PLXDC2: variants seen among roughly 807,000 people sequenced by gnomAD.
PLXDC2 encodes the protein plexin domain containing 2.
In PLXDC2, 40 loss-of-function variants were observed where a neutral mutation model predicts 68.9. That is an observed-to-expected ratio of 0.58 (90% CI 0.45 to 0.76). The LOEUF is 0.76. PLXDC2 is among the 30% of genes least tolerant of loss of function. The pLI, the probability that PLXDC2 is intolerant of heterozygous loss-of-function variation, is 0.00. For missense variants in PLXDC2, 644 were observed against 661.9 expected, an observed-to-expected ratio of 0.97 and a Z score of 0.30; for synonymous variants, 243 against 234.2, an observed-to-expected ratio of 1.04 and a Z score of -0.34.
At chr10:20,137,426 C>A (rs542725502) in intron 4 of PLXDC2, among the ~76,000 whole-genome samples, 1 of 152,206 alleles carries the variant, frequency 6.6e-6, no homozygotes, top group Non-Finnish European at 1.5e-5. Flanking sequence ...ATTATCGCAT[C>A]GTGTGTGATT....
chr10:19,854,937 G>A (rs939082335), intron 1 of PLXDC2, among the ~76,000 whole-genome samples: 1 of 152,202 alleles, frequency 6.6e-6, no homozygotes, highest in African/African-American at 2.4e-5. Flanking sequence ...AATCAGCTCA[G>A]CATTCATTTA....
intron 12 of PLXDC2, among the ~76,000 whole-genome samples, chr10:20,228,635 A>G (rs34343476): frequency 1.3e-5 from 2 of 149,074 alleles, no homozygotes; most frequent in East Asian, 4.0e-4. Flanking sequence ...GGAAGGGCGG[A>G]AGGGAGGGAG....
intron 1 of PLXDC2, among the ~76,000 whole-genome samples, chr10:19,897,415 T>A (rs528256071): frequency 6.6e-6 from 1 of 152,012 alleles, no homozygotes; most frequent in Non-Finnish European, 1.5e-5. Context: ...AGTTTTGTAT[T>A]GTTTTTTTTA....
Position 20,046,943 on chromosome 10 carries a change from G to A in PLXDC2, c.399G>A (p.Val133=). The A allele has an allele frequency of 6.2e-7, 1 of 1,612,582 alleles. No homozygotes were observed. The highest frequency in any genetic ancestry group is 8.5e-7 in the Non-Finnish European group (1 of 1,179,256). The change falls in exon 3 of 14, where the codon GTG becomes GTA. Residue 133 remains valine, a synonymous_variant. Coordinates refer to ENST00000377252, the MANE Select transcript of PLXDC2 (RefSeq NM_032812.9). The part of the protein sequence containing the change: ...PSDSASRDLW[V]NIDQMEKDKV... ...ATTCTGCCAGCCGGGATTTATGGGT[G>A]AACATAGACCAAATGGAAAAAGATA...
intron 1 of PLXDC2, among the ~76,000 whole-genome samples, chr10:19,904,796 T>C (rs58259085): frequency 0.12 from 18,490 of 152,212 alleles, 1,552 homozygotes; most frequent in East Asian, 0.29. Context: ...TGTTAGGGTT[T>C]CTTAGCATAA....
intron 3 of PLXDC2, among the ~76,000 whole-genome samples, chr10:20,054,094 G>A (rs1184655883): frequency 6.6e-6 from 1 of 152,090 alleles, no homozygotes. Flanking sequence ...AGTTCTGAAT[G>A]TAGCATGAGC....
intron 13 of PLXDC2, among the ~76,000 whole-genome samples, chr10:20,278,620 A>ATT (rs11379252): frequency 0.087 from 13,139 of 151,128 alleles, 682 homozygotes; most frequent in South Asian, 0.11. Flanking sequence ...AATTACCTTC[A>ATT]TTTTTTTTTA....
In PLXDC2 at chr10:19,837,484, G is replaced by C. The variant is rs545040177; in HGVS notation, c.112+20293G>C. Among the ~76,000 whole-genome samples the C allele has an allele frequency of 2.0e-4, 30 of 151,660 alleles. 1 individual carries two copies. The highest frequency in any genetic ancestry group is 6.8e-4 in the African/African-American group (28 of 41,354). On this transcript the variant is annotated intron_variant, in intron 1 of 13. Coordinates refer to ENST00000377252, the MANE Select transcript of PLXDC2 (RefSeq NM_032812.9). The stretch of plus-strand genomic sequence containing the variant: ...TGGGCAGGCAGAGACAAATAAATGA[G>C]TTGGAAAGAAAGTAAAAGATGATAA...
At chr10:20,074,304 A>T (rs1836395080) in intron 4 of PLXDC2, among the ~76,000 whole-genome samples, 1 of 152,160 alleles carries the variant, frequency 6.6e-6, no homozygotes, top group African/African-American at 2.4e-5. Flanking sequence ...TAAAATGTTT[A>T]TTAAGTAATA....
intron 9 of PLXDC2, among the ~76,000 whole-genome samples, chr10:20,198,152 G>T (rs1834866677): frequency 6.6e-6 from 1 of 152,140 alleles, no homozygotes; most frequent in African/African-American, 2.4e-5. Context: ...TTCTGAGGGT[G>T]TGAGTAGGAT....
At chr10:19,961,817 G>T (rs1027798737) in intron 1 of PLXDC2, among the ~76,000 whole-genome samples, 1 of 152,150 alleles carries the variant, frequency 6.6e-6, no homozygotes, top group Non-Finnish European at 1.5e-5. Context: ...TGATTGCTTT[G>T]CATGGGTGAT....
Position 20,289,294 on chromosome 10 carries a change from T to C in PLXDC2, c.*9475T>C, listed in dbSNP as rs1035408644. 9.9e-5 allele frequency: 15 copies of C among 152,172 alleles called. No individual in the cohort carries two copies. The allele number at this position is 152,172 out of a possible 1,614,324, so 9.4% of individuals were successfully genotyped here. On this transcript the variant is annotated 3_prime_UTR_variant, in exon 14 of 14. Coordinates refer to ENST00000377252, the MANE Select transcript of PLXDC2 (RefSeq NM_032812.9). The stretch of plus-strand genomic sequence containing the variant: ...GTGTGGGCAATGGGATGGAGACTTT[T>C]TCCCCTATTCCCAGCCACAGTGCCC...
intron 4 of PLXDC2, among the ~76,000 whole-genome samples, chr10:20,101,133 T>G (rs2131739265): frequency 6.6e-6 from 1 of 152,220 alleles, no homozygotes; most frequent in South Asian, 2.1e-4. Context: ...TGGCATCTGG[T>G]TTAGGGGTAC....
chr10:19,943,582 C>T (rs1470234036), intron 1 of PLXDC2, among the ~76,000 whole-genome samples: 2 of 152,186 alleles, frequency 1.3e-5, no homozygotes, highest in East Asian at 1.9e-4. Context: ...CACAAAATTG[C>T]TGTGCGTTGT....
chr10:19,818,227 G>GGTGTGTGTGTGTGTGTGTGTGT, intron 1 of PLXDC2, among the ~76,000 whole-genome samples: 1 of 137,522 alleles, frequency 7.3e-6, no homozygotes, highest in East Asian at 2.2e-4. Flanking sequence ...GTTCTTTTCT[G>GGTGTGTGTGTGTGTGTGTGTGT]GTGTGTGTGT....
chr10:19,998,936 G>A (rs1264774412), intron 1 of PLXDC2, among the ~76,000 whole-genome samples: 2 of 152,170 alleles, frequency 1.3e-5, no homozygotes, highest in Admixed American at 6.6e-5. Flanking sequence ...TAAAGGATGA[G>A]CTTGAATGTT....
At chr10:19,844,235 G>A (rs958549745) in intron 1 of PLXDC2, among the ~76,000 whole-genome samples, 16 of 152,050 alleles carry the variant, frequency 1.1e-4, no homozygotes, top group Non-Finnish European at 2.2e-4. Flanking sequence ...AAAATTAGTC[G>A]GATTTTTAGT....
In PLXDC2 at chr10:20,151,224, C is replaced by A. The variant is rs542145682; in HGVS notation, c.783+3322C>A. Among the ~76,000 whole-genome samples the A allele has an allele frequency of 3.9e-5, 6 of 152,248 alleles. No homozygotes were observed. The South Asian group carries it at 1.2e-3, about 32-fold the overall frequency. On this transcript the variant is annotated intron_variant, in intron 6 of 13. Coordinates refer to ENST00000377252, the MANE Select transcript of PLXDC2 (RefSeq NM_032812.9). Reference sequence around the variant, plus strand: ...CATTTGAGGTGAGAGCTAGAAGCTCCTGGCACTGCTGGAAAAATATTCCTA... The same window carrying A: ...CATTTGAGGTGAGAGCTAGAAGCTCATGGCACTGCTGGAAAAATATTCCTA...
intron 6 of PLXDC2, among the ~76,000 whole-genome samples, chr10:20,155,601 A>G (rs1253749837): frequency 6.6e-6 from 1 of 152,180 alleles, no homozygotes; most frequent in African/African-American, 2.4e-5. Context: ...GGACTTCCCT[A>G]TATTTTAAAC....
Sources: gnomAD v4.1 joint callset for allele counts (sites outside exome capture counted in the v4.1 genomes callset) on GRCh38, gnomAD v4.1.1 for gene constraint, MANE v1.5 for transcripts, NCBI Gene and HGNC (gene_info 2026-07-23, HGNC 2026-07-21) for gene names.